DNAAF11: variants seen among roughly 807,000 people sequenced by gnomAD.
DNAAF11 encodes the protein leucine rich repeat containing 6.
DNAAF11 carries 45 observed loss-of-function variants against 60.8 expected under a neutral mutation model. The ratio of observed to expected loss-of-function variants is 0.74; its 90% CI spans 0.58 to 0.95. DNAAF11 has a LOEUF of 0.95. DNAAF11 is among the 40% of genes least tolerant of loss of function. The pLI, the probability that DNAAF11 is intolerant of heterozygous loss-of-function variation, is 0.00. For synonymous variants in DNAAF11, 191 were observed against 183.5 expected (o/e 1.04, Z -0.33); for missense variants, 546 against 546.2 (o/e 1.00, Z 0.00).
intron 11 of DNAAF11, among the ~76,000 whole-genome samples, chr8:132,580,587 C>T (rs545132528): frequency 6.6e-6 from 1 of 152,088 alleles, no homozygotes; most frequent in African/African-American, 2.4e-5. Context: ...AATCTATATA[C>T]CAGCAACAGA....
chr8:132,628,342 G>A (rs1444186945), intron 5 of DNAAF11, among the ~76,000 whole-genome samples: 1 of 152,044 alleles, frequency 6.6e-6, no homozygotes, highest in Non-Finnish European at 1.5e-5. Context: ...AACCCAGGAG[G>A]CAGAGATTGC....
chr8:132,672,474 C>A (rs1436939773), intron 1 of DNAAF11, among the ~76,000 whole-genome samples: 1 of 152,174 alleles, frequency 6.6e-6, no homozygotes, highest in Non-Finnish European at 1.5e-5. Flanking sequence ...GTCTCTTACT[C>A]CTAAGAGACA....
In DNAAF11 at chr8:132,571,371, G is replaced by C. The variant is rs549328772; in HGVS notation, c.*935C>G. 1.7e-4 allele frequency among the ~76,000 whole-genome samples: 26 copies of C among 152,292 alleles called. No homozygotes were observed. The highest frequency in any genetic ancestry group is 6.0e-4 in the African/African-American group (25 of 41,556). On this transcript the variant is annotated 3_prime_UTR_variant, in exon 12 of 12. Coordinates refer to ENST00000620350, the MANE Select transcript of DNAAF11 (RefSeq NM_012472.6). ...CTTAAATGTTGCTATATCATGATCA[G>C]AGTAACAGTAATTTGTCCTACAATG...
intron 5 of DNAAF11, among the ~76,000 whole-genome samples, chr8:132,629,164 TTAA>T (rs1321685073): frequency 6.6e-6 from 1 of 152,086 alleles, no homozygotes; most frequent in Non-Finnish European, 1.5e-5. Flanking sequence ...AGGAAAGCAT[TTAA>T]TAAGAATCAA....
At chr8:132,597,066 C>A (rs1817085825) in intron 10 of DNAAF11, among the ~76,000 whole-genome samples, 1 of 152,214 alleles carries the variant, frequency 6.6e-6, no homozygotes, top group Non-Finnish European at 1.5e-5. Context: ...TGCAGTTCTG[C>A]AGAAGCTATG....
intron 10 of DNAAF11, among the ~76,000 whole-genome samples, chr8:132,609,284 T>C (rs1248031719): frequency 3.3e-5 from 5 of 151,792 alleles, no homozygotes; most frequent in Admixed American, 6.6e-5. Flanking sequence ...CCAGATTACT[T>C]ACAACACCTA....
In DNAAF11 at chr8:132,625,471, G is replaced by A. The variant is rs199647585; in HGVS notation, c.654-17C>T. 1 of 1,579,038 alleles carries A rather than the reference G, an allele frequency of 6.3e-7. No homozygotes were observed. The highest frequency in any genetic ancestry group is 2.3e-5 in the East Asian group (1 of 44,414). On this transcript the variant is annotated splice_polypyrimidine_tract_variant and intron_variant, in intron 5 of 11. Coordinates refer to ENST00000620350, the MANE Select transcript of DNAAF11 (RefSeq NM_012472.6). Reference sequence around the variant, plus strand: ...AAAGAGGAACTAGGAAAAACAAATAGAGCACTTAAAAACAATAATGGATTC... The same window carrying A: ...AAAGAGGAACTAGGAAAAACAAATAAAGCACTTAAAAACAATAATGGATTC...
chr8:132,695,595 G>A, the DNAAF11 span, among the ~76,000 whole-genome samples: 1 of 152,270 alleles, frequency 6.6e-6, no homozygotes, highest in Middle Eastern at 3.4e-3. Context: ...GGGCGAGGAG[G>A]TACTGAAGCT....
chr8:132,680,167 T>C (rs1489422932), upstream of DNAAF11, among the ~76,000 whole-genome samples: 1 of 152,220 alleles, frequency 6.6e-6, no homozygotes, highest in African/African-American at 2.4e-5. Flanking sequence ...AATCACGATG[T>C]GACAGCTCTA....
At chr8:132,573,123 G>GAT (rs1339841858) in intron 11 of DNAAF11, among the ~76,000 whole-genome samples, 2 of 152,064 alleles carry the variant, frequency 1.3e-5, no homozygotes, top group Non-Finnish European at 2.9e-5. Flanking sequence ...TACAGATATA[G>GAT]ATATAGATAT....
At chr8:132,639,936 A>G (rs1821695568) in intron 3 of DNAAF11, among the ~76,000 whole-genome samples, 1 of 152,210 alleles carries the variant, frequency 6.6e-6, no homozygotes, top group Non-Finnish European at 1.5e-5. Context: ...AAATACAAGG[A>G]AAAGAAAATT....
At chr8:132,676,354 T>C (rs111785278), upstream of DNAAF11, among the ~76,000 whole-genome samples, 439 of 152,346 alleles carry the variant, frequency 2.9e-3, no homozygotes, top group African/African-American at 9.9e-3. Flanking sequence ...GTGTTAGCAC[T>C]TTAATGCGTT....
At chr8:132,609,617 C>G (rs1164492270) in intron 10 of DNAAF11, among the ~76,000 whole-genome samples, 1 of 152,082 alleles carries the variant, frequency 6.6e-6, no homozygotes, top group Non-Finnish European at 1.5e-5. Flanking sequence ...TTCTCTGATC[C>G]TCTGTCTTTT....
intron 6 of DNAAF11, among the ~76,000 whole-genome samples, chr8:132,624,109 A>C (rs1820020297): frequency 1.3e-5 from 2 of 152,210 alleles, no homozygotes; most frequent in Admixed American, 6.5e-5. Context: ...ACCCACAGAT[A>C]TATAAATATA....
At chr8:132,693,028 A>T in the DNAAF11 span, among the ~76,000 whole-genome samples, 1 of 152,226 alleles carries the variant, frequency 6.6e-6, no homozygotes, top group Non-Finnish European at 1.5e-5. Context: ...ACAGAACCAC[A>T]TCACAACCTG....
chr8:132,582,533 A>T (rs1404550524), intron 11 of DNAAF11, among the ~76,000 whole-genome samples: 1 of 152,242 alleles, frequency 6.6e-6, no homozygotes, highest in Admixed American at 6.5e-5. Flanking sequence ...TTCATAATAG[A>T]CATAATACCC....
At chr8:132,638,596 C>T (rs569787176) in intron 3 of DNAAF11, among the ~76,000 whole-genome samples, 3 of 152,092 alleles carry the variant, frequency 2.0e-5, no homozygotes, top group African/African-American at 7.2e-5. Flanking sequence ...ATAAAACCAG[C>T]GCATCCAAAC....
At chr8:132,624,131 T>C (rs1442737252) in intron 6 of DNAAF11, among the ~76,000 whole-genome samples, 1 of 152,200 alleles carries the variant, frequency 6.6e-6, no homozygotes, top group Non-Finnish European at 1.5e-5. Flanking sequence ...CATATGTGTG[T>C]ATGGGTATAT....
At chr8:132,701,916 T>C in the DNAAF11 span, among the ~76,000 whole-genome samples, 4 of 152,222 alleles carry the variant, frequency 2.6e-5, no homozygotes, top group Non-Finnish European at 5.9e-5. Context: ...CCTGCTTTCA[T>C]ATCTCATCAA....
Sources: gnomAD v4.1 joint callset for allele counts (sites outside exome capture counted in the v4.1 genomes callset) on GRCh38, gnomAD v4.1.1 for gene constraint, MANE v1.5 for transcripts, NCBI Gene and HGNC (gene_info 2026-07-23, HGNC 2026-07-21) for gene names.